HHAT: variants seen among roughly 807,000 people sequenced by gnomAD.
The protein encoded by HHAT is protein-cysteine N-palmitoyltransferase HHAT.
In HHAT, 47 loss-of-function variants were observed where a neutral mutation model predicts 70.8. That is an observed-to-expected ratio of 0.66 (90% confidence interval 0.53 to 0.85). HHAT has a LOEUF of 0.85. Among genes scored for constraint, HHAT ranks in the 40% least tolerant of loss-of-function variants. The pLI is 0.00. For missense variants in HHAT, 609 were observed against 604.8 expected (o/e 1.01, Z -0.07); for synonymous variants, 228 against 247.6 (o/e 0.92, Z 0.74).
At position 210,630,442 on chromosome 1, in the gene HHAT, C is replaced by T. The variant is rs532472442; in HGVS notation, c.1390+6772C>T. On this transcript the variant is annotated intron_variant, in intron 11 of 11. Transcript: ENST00000261458. ...GGTTATAATAGCAATTTGGATGTGC[C>T]ACTAGCCTCCTTAAAATGTGAATCT... Among the ~76,000 whole-genome samples the T allele has an allele frequency of 3.3e-5, 5 of 152,270 alleles. No homozygotes were observed. In the East Asian group the frequency reaches 9.6e-4, roughly 29 times the overall value.
Position 210,437,725 on chromosome 1 carries a change from C to A in HHAT, c.856+19400C>A, listed in dbSNP as rs1047176681. On this transcript the variant is annotated intron_variant, in intron 7 of 11. Coordinates refer to ENST00000261458, the MANE Select transcript of HHAT (RefSeq NM_018194.6). Reference sequence around the variant, plus strand: ...GTATTTACATGGGTCACAAATATCTCCCCTGGGCTCATTTTGAGGTGTTCA... The same window carrying A: ...GTATTTACATGGGTCACAAATATCTACCCTGGGCTCATTTTGAGGTGTTCA... Among the ~76,000 whole-genome samples the A allele has an allele frequency of 1.4e-4, 21 of 151,840 alleles. 1 individual carries two copies. The highest frequency in any genetic ancestry group is 4.9e-4 in the African/African-American group (20 of 41,124).
intron 7 of HHAT, among the ~76,000 whole-genome samples, chr1:210,433,978 T>A (rs899663706): frequency 1.1e-4 from 16 of 151,904 alleles, no homozygotes; most frequent in African/African-American, 3.9e-4. Flanking sequence ...ATTAGACATA[T>A]CTTACTGGAA....
In HHAT at chr1:210,432,216, A is replaced by G. The variant is rs889832696; in HGVS notation, c.856+13891A>G. Among the ~76,000 whole-genome samples, 7 of 151,936 alleles carry G rather than the reference A, an allele frequency of 4.6e-5. No individual in the cohort carries two copies. The South Asian group carries it at 1.2e-3, about 27-fold the overall frequency. ...TTGCACACATGTGATAACTGAGGCC[A>G]CAGGAGTAAAAGGACTTCCTTGAAA... On this transcript the variant is annotated intron_variant, in intron 7 of 11. Coordinates refer to ENST00000261458, the MANE Select transcript of HHAT (RefSeq NM_018194.6).
Position 210,328,988 on chromosome 1 carries a change from G to A in HHAT, c.-160G>A, listed in dbSNP as rs1341189085. The A allele has an allele frequency of 1.2e-5, 16 of 1,358,028 alleles. No individual in the cohort carries two copies. The highest frequency in any genetic ancestry group is 3.6e-5 in the South Asian group (2 of 56,324). 84.1% of individuals were successfully genotyped at this position (1,358,028 alleles called of 1,614,324 possible). The stretch of plus-strand genomic sequence containing the variant: ...TCCGGGGGAAAGAGGGTGGCGTCCC[G>A]GGGAAGCCCGCAGCCGCCGCCGATG... On this transcript the variant is annotated 5_prime_UTR_variant, in exon 1 of 12. Transcript: ENST00000261458.
At chr1:210,624,194 G>C (rs1245985284) in intron 11 of HHAT, among the ~76,000 whole-genome samples, 1 of 152,090 alleles carries the variant, frequency 6.6e-6, no homozygotes, top group Non-Finnish European at 1.5e-5. Context: ...GAGATAGGAT[G>C]CTCAGCCTCC....
At chr1:210,330,246 C>G (rs553534154) in intron 1 of HHAT, among the ~76,000 whole-genome samples, 54 of 152,052 alleles carry the variant, frequency 3.6e-4, no homozygotes, top group Non-Finnish European at 6.5e-4. Flanking sequence ...GCCAGTCAGT[C>G]CCTAATTGTG....
At chr1:210,416,950 C>T (rs992930327) in intron 6 of HHAT, among the ~76,000 whole-genome samples, 26 of 152,162 alleles carry the variant, frequency 1.7e-4, no homozygotes, top group African/African-American at 5.8e-4. Flanking sequence ...GTAACTTGCT[C>T]AGGATCACAC....
At chr1:210,434,210 G>C (rs1187329192) in intron 7 of HHAT, among the ~76,000 whole-genome samples, 2 of 151,910 alleles carry the variant, frequency 1.3e-5, no homozygotes, top group Non-Finnish European at 2.9e-5. Flanking sequence ...ATTGACTTTG[G>C]TCATGGTTGC....
chr1:210,409,073 C>T (rs12082200), intron 6 of HHAT, among the ~76,000 whole-genome samples: 28,269 of 151,980 alleles, frequency 0.19, 2,790 homozygotes, highest in Admixed American at 0.24. Context: ...GCTATGTTGC[C>T]CAGGCTGGTC....
intron 9 of HHAT, among the ~76,000 whole-genome samples, chr1:210,541,660 G>A (rs1268627735): frequency 6.6e-6 from 1 of 152,348 alleles, no homozygotes; most frequent in Admixed American, 6.5e-5. Flanking sequence ...CCGGGAGGCG[G>A]AGGTTGCAGT....
intron 11 of HHAT, among the ~76,000 whole-genome samples, chr1:210,665,768 A>T (rs1678760660): frequency 6.6e-6 from 1 of 152,184 alleles, no homozygotes; most frequent in African/African-American, 2.4e-5. Flanking sequence ...TTGTGAGGTG[A>T]TGTGGCTTCA....
chr1:210,352,935 T>A (rs1326667879), intron 2 of HHAT, among the ~76,000 whole-genome samples: 2 of 151,144 alleles, frequency 1.3e-5, no homozygotes, highest in African/African-American at 4.9e-5. Context: ...CTGTTTACTT[T>A]TTTTTTTTTT....
intron 8 of HHAT, among the ~76,000 whole-genome samples, chr1:210,484,772 T>C (rs1366525491): frequency 6.6e-6 from 1 of 152,204 alleles, no homozygotes; most frequent in Non-Finnish European, 1.5e-5. Flanking sequence ...TTTCAGCAGT[T>C]TACAATTCAT....
chr1:210,624,957 C>G (rs757991139), intron 11 of HHAT, among the ~76,000 whole-genome samples: 1 of 152,204 alleles, frequency 6.6e-6, no homozygotes, highest in East Asian at 1.9e-4. Flanking sequence ...GAGGAGGCAG[C>G]GGTGCTTTTG....
At chr1:210,349,857 G>A (rs575450061) in intron 2 of HHAT, among the ~76,000 whole-genome samples, 1 of 152,078 alleles carries the variant, frequency 6.6e-6, no homozygotes, top group Admixed American at 6.6e-5. Flanking sequence ...CACCATGTTG[G>A]CCAGGCTGAT....
At chr1:210,355,837 T>C (rs1299544785) in intron 2 of HHAT, among the ~76,000 whole-genome samples, 1 of 152,248 alleles carries the variant, frequency 6.6e-6, no homozygotes, top group African/African-American at 2.4e-5. Flanking sequence ...AGTAGATTCA[T>C]TGAAAACTTT....
chr1:210,494,513 G>A (rs1191462825), intron 8 of HHAT, among the ~76,000 whole-genome samples: 2 of 148,500 alleles, frequency 1.3e-5, no homozygotes, highest in Non-Finnish European at 3.0e-5. Flanking sequence ...AGATGCAAGT[G>A]GGGAGATCAG....
chr1:210,468,576 C>T (rs1471998589), intron 8 of HHAT, among the ~76,000 whole-genome samples: 2 of 152,098 alleles, frequency 1.3e-5, no homozygotes, highest in African/African-American at 4.8e-5. Context: ...TGAGCACCTT[C>T]TTTTAGTGAG....
chr1:210,441,853 C>CT (rs61156923), intron 7 of HHAT, among the ~76,000 whole-genome samples: 5,802 of 151,104 alleles, frequency 0.038, 353 homozygotes, highest in African/African-American at 0.13. Flanking sequence ...CACACACACA[C>CT]TTTTTTTTTA....
Sources: gnomAD v4.1 joint callset for allele counts (sites outside exome capture counted in the v4.1 genomes callset) on GRCh38, gnomAD v4.1.1 for gene constraint, MANE v1.5 for transcripts, NCBI Gene and HGNC (gene_info 2026-07-23, HGNC 2026-07-21) for gene names.